The following DDB2 variants were observed in gnomAD, a reference collection of about 807,000 sequenced individuals.
The protein encoded by DDB2 is damage specific DNA binding protein 2, also known as DNA damage-binding protein 2.
A neutral mutation model predicts 50.5 loss-of-function variants in DDB2; 27 were observed. The observed-to-expected ratio is 0.53, with a 90% CI of 0.39 to 0.74. The LOEUF is 0.74. Among genes scored for constraint, DDB2 ranks in the 30% least tolerant of loss-of-function variants. The pLI, the probability that DDB2 is intolerant of heterozygous loss-of-function variation, is 0.00. For missense variants in DDB2, 424 were observed against 545.6 expected, an observed-to-expected ratio of 0.78 and a Z score of 2.22; for synonymous variants, 176 against 205.5, an observed-to-expected ratio of 0.86 and a Z score of 1.23.
intron 9 of DDB2, among the ~76,000 whole-genome samples, chr11:47,238,412 T>G (rs949948328): frequency 2.0e-5 from 3 of 152,124 alleles, no homozygotes; most frequent in African/African-American, 7.2e-5. Flanking sequence ...TCTTTTTTTT[T>G]TTTGAGACGG....
intron 3 of DDB2, among the ~76,000 whole-genome samples, chr11:47,223,367 C>A (rs1187442764): frequency 1.3e-5 from 2 of 152,102 alleles, no homozygotes; most frequent in Non-Finnish European, 1.5e-5. Context: ...CACCAGTAAT[C>A]CCAGCTACCC....
intron 3 of DDB2, among the ~76,000 whole-genome samples, chr11:47,224,177 A>C (rs888330443): frequency 6.6e-6 from 1 of 152,130 alleles, no homozygotes; most frequent in African/African-American, 2.4e-5. Context: ...GGTCGCTTTA[A>C]AAATGATTAT....
intron 3 of DDB2, among the ~76,000 whole-genome samples, chr11:47,227,756 A>T (rs1953581886): frequency 6.6e-6 from 1 of 152,172 alleles, no homozygotes; most frequent in Non-Finnish European, 1.5e-5. Context: ...TTTAAATATT[A>T]CTGGATTGAG....
In DDB2 at chr11:47,215,098, T is replaced by C; in HGVS notation, c.-39T>C. The C allele has an allele frequency of 6.2e-7, 1 of 1,613,636 alleles. No individual in the cohort carries two copies. The highest frequency in any genetic ancestry group is 8.5e-7 in the Non-Finnish European group (1 of 1,179,806). The stretch of plus-strand genomic sequence containing the variant: ...GCCTCTCAATCCTCCCTCCATGATC[T>C]TCGCATAGAGCACAGTACCCCTTCA... On this transcript the variant is annotated 5_prime_UTR_variant, in exon 1 of 10. Coordinates refer to ENST00000256996, the MANE Select transcript of DDB2 (RefSeq NM_000107.3).
At position 47,237,648 on chromosome 11, in the gene DDB2, G is replaced by T. The variant is rs1953750143; in HGVS notation, c.1024-189G>T. 17 of 609,312 alleles carry T rather than the reference G, an allele frequency of 2.8e-5. No individual in the cohort carries two copies. The East Asian group carries it at 5.3e-4, about 19-fold the overall frequency. The allele number at this position is 609,312 out of a possible 1,614,324, so 37.7% of individuals were successfully genotyped here. On this transcript the variant is annotated intron_variant, in intron 7 of 9. Coordinates refer to ENST00000256996, the MANE Select transcript of DDB2 (RefSeq NM_000107.3). ...GACGGGGTTTCACCATGTTAGCCAG[G>T]ATGGTCTCGATCTCCTGACCTCGTG...
chr11:47,225,551 C>T (rs1430283260), intron 3 of DDB2, among the ~76,000 whole-genome samples: 2 of 151,474 alleles, frequency 1.3e-5, no homozygotes, highest in African/African-American at 4.9e-5. Context: ...GAGATTATGC[C>T]ACTGCACTCC....
At position 47,238,138 on chromosome 11, in the gene DDB2, C is replaced by T; in HGVS notation, c.1189C>T (p.Leu397Phe). 4 of 1,612,738 alleles carry T rather than the reference C, an allele frequency of 2.5e-6. No individual in the cohort carries two copies. The highest frequency in any genetic ancestry group is 3.4e-6 in the Non-Finnish European group (4 of 1,179,336). ...CATGTTGACACTCTTGTCTCTGCAG[C>T]TTAATGAATTCAATCCCATGGGGGA... ...YDPESSGISS[L>F]NEFNPMGDTL... The change falls in exon 9 of 10, where the codon CTT becomes TTT. Residue 397 changes from leucine (L) to phenylalanine (F), a missense_variant and splice_region_variant. Transcript: ENST00000256996.
chr11:47,217,199 A>C, intron 3 of DDB2, 150 bp downstream of exon 3: 1 of 651,328 alleles, frequency 1.5e-6, no homozygotes, highest in Non-Finnish European at 2.8e-6. Flanking sequence ...AACATGGTGA[A>C]ACCCCGTCTC....
chr11:47,222,494 C>T (rs1407006009), intron 3 of DDB2, among the ~76,000 whole-genome samples: 1 of 152,272 alleles, frequency 6.6e-6, no homozygotes, highest in South Asian at 2.1e-4. Context: ...CATGCACAGG[C>T]CACCATACCT....
In DDB2 at chr11:47,222,332, GT is replaced by G. The variant is rs34897237; in HGVS notation, c.456+5293del. Among the ~76,000 whole-genome samples, 739 of 149,164 alleles carry G rather than the reference GT, an allele frequency of 5.0e-3. 4 individuals carry two copies. The highest frequency in any genetic ancestry group is 7.5e-3 in the Non-Finnish European group (502 of 67,084). ...AAATTTATCTACATTTTTATGTGTA[GT>G]TTTTTTTTTCTTTCTGAATAATGGT... On this transcript the variant is annotated intron_variant, in intron 3 of 9. Transcript: ENST00000256996.
Position 47,232,804 on chromosome 11 carries a change from C to T in DDB2, c.457-10C>T. 6.2e-7 allele frequency: 1 copy of T among 1,613,246 alleles called. No individual in the cohort carries two copies. Among genetic ancestry groups the T allele is most frequent in the Non-Finnish European group, 8.5e-7 (1 of 1,180,018 alleles). On this transcript the variant is annotated splice_polypyrimidine_tract_variant and intron_variant, in intron 3 of 9. Transcript: ENST00000256996. Reference sequence around the variant, plus strand: ...TCATCACTCACTGGCTTTTTCCTTCCTCGTGTTAGATTGGAGCTGGAGGGA... The same window carrying T: ...TCATCACTCACTGGCTTTTTCCTTCTTCGTGTTAGATTGGAGCTGGAGGGA...
At chr11:47,215,885 G>C (rs1565150015) in intron 1 of DDB2, 1 of 305,074 alleles carries the variant, frequency 3.3e-6, no homozygotes. Flanking sequence ...AAGTAACCTA[G>C]TTAAGAGCAT....
At chr11:47,232,500 GA>G (rs1390233657) in intron 3 of DDB2, among the ~76,000 whole-genome samples, 2 of 150,096 alleles carry the variant, frequency 1.3e-5, no homozygotes, top group Non-Finnish European at 2.9e-5. Flanking sequence ...AAAAAAAATA[GA>G]AAAATTAGCT....
chr11:47,224,309 C>T (rs944543587), intron 3 of DDB2, among the ~76,000 whole-genome samples: 1 of 152,052 alleles, frequency 6.6e-6, no homozygotes, highest in Non-Finnish European at 1.5e-5. Context: ...CTCACTGCAA[C>T]CTCCACCTCC....
At chr11:47,234,449 TTA>T (rs1406496115) in intron 4 of DDB2, 122 bp from the exon 5 acceptor site, 57 of 808,848 alleles carry the variant, frequency 7.0e-5, no homozygotes, top group Non-Finnish European at 1.2e-4. Flanking sequence ...GGCAAGACAG[TTA>T]TTCATTCATT....
chr11:47,230,568 A>G (rs1383130584), intron 3 of DDB2, among the ~76,000 whole-genome samples: 1 of 152,194 alleles, frequency 6.6e-6, no homozygotes, highest in African/African-American at 2.4e-5. Context: ...ATAGAACTCA[A>G]CTGGAGGGAG....
intron 3 of DDB2, among the ~76,000 whole-genome samples, chr11:47,223,354 G>A (rs952529407): frequency 3.3e-5 from 5 of 152,096 alleles, no homozygotes; most frequent in African/African-American, 4.8e-5. Context: ...GTGTGGTGGC[G>A]CTCACCAGTA....
chr11:47,225,872 T>C (rs778882874), intron 3 of DDB2, among the ~76,000 whole-genome samples: 1 of 152,230 alleles, frequency 6.6e-6, no homozygotes, highest in Non-Finnish European at 1.5e-5. Context: ...AGTATTTGTC[T>C]TTTTGTGACA....
chr11:47,216,300 G>A, intron 1 of DDB2, 36 bp from the exon 2 acceptor site: 1 of 1,614,122 alleles, frequency 6.2e-7, no homozygotes, highest in Non-Finnish European at 8.5e-7. Flanking sequence ...CCTTTCGTGA[G>A]ATTGGAGAGG....
Sources: allele counts gnomAD v4.1 joint callset (sites outside exome capture counted in the v4.1 genomes callset), GRCh38; gene constraint gnomAD v4.1.1; transcripts MANE v1.5; gene names NCBI Gene and HGNC (gene_info 2026-07-23, HGNC 2026-07-21).